Variants in UGT2B15 observed in about 807,000 individuals in gnomAD.
UGT2B15 encodes UDP-glucuronosyltransferase 2B15.
UGT2B15 carries 36 observed loss-of-function variants against 45.9 expected under a neutral mutation model. The ratio of observed to expected loss-of-function variants is 0.78; its 90% CI spans 0.60 to 1.04. The LOEUF is 1.04. Ranked by LOEUF, UGT2B15 falls within the 50% of genes least tolerant of loss-of-function variation. The probability of loss-of-function intolerance (pLI) is 0.00; values close to 1 mark genes in which losing one functional copy is unlikely to be tolerated. For missense variants in UGT2B15, 617 were observed against 622.4 expected (o/e 0.99, Z 0.09); for synonymous variants, 219 against 216.4 (o/e 1.01, Z -0.11).
At chr4:68,662,260 CAT>C (rs1359248182) in intron 3 of UGT2B15, among the ~76,000 whole-genome samples, 2 of 151,988 alleles carry the variant, frequency 1.3e-5, no homozygotes, top group Non-Finnish European at 1.5e-5. Context: ...ATTCTTAGAG[CAT>C]AGTCTTTGTT....
At chr4:68,660,536 G>A (rs1399438664) in intron 3 of UGT2B15, among the ~76,000 whole-genome samples, 1 of 151,412 alleles carries the variant, frequency 6.6e-6, no homozygotes, top group Non-Finnish European at 1.5e-5. Context: ...CAATAATCAG[G>A]CCAAGTATAA....
intron 5 of UGT2B15, among the ~76,000 whole-genome samples, chr4:68,651,544 G>T: frequency 6.6e-6 from 1 of 151,806 alleles, no homozygotes; most frequent in African/African-American, 2.4e-5. Flanking sequence ...TGCTGGTTTG[G>T]TTACTGTAAG....
chr4:68,663,436 CCAGA>C (rs1560609598), intron 2 of UGT2B15, among the ~76,000 whole-genome samples: 2 of 151,910 alleles, frequency 1.3e-5, no homozygotes, highest in Admixed American at 6.6e-5. Flanking sequence ...AATGTTACAC[CCAGA>C]CACTTTATTT....
intron 4 of UGT2B15, 28 bp downstream of exon 4, chr4:68,655,067 A>T (rs1392552412): frequency 1.9e-6 from 3 of 1,605,038 alleles, no homozygotes; most frequent in Non-Finnish European, 2.6e-6. Context: ...TTACTAATAT[A>T]TTCACTGTTT....
chr4:68,668,782 T>C (rs1733215990), intron 1 of UGT2B15, among the ~76,000 whole-genome samples: 1 of 151,444 alleles, frequency 6.6e-6, no homozygotes, highest in African/African-American at 2.4e-5. Context: ...ATCCCAGTCA[T>C]GTAGAACTGA....
chr4:68,656,432 G>T (rs1215384713), intron 3 of UGT2B15, among the ~76,000 whole-genome samples: 1 of 147,468 alleles, frequency 6.8e-6, no homozygotes, highest in African/African-American at 2.5e-5. Flanking sequence ...TCTCCCATCA[G>T]ATTTGATGAA....
At chr4:68,658,617 AC>A (rs1244741343) in intron 3 of UGT2B15, among the ~76,000 whole-genome samples, 1 of 152,128 alleles carries the variant, frequency 6.6e-6, no homozygotes, top group Non-Finnish European at 1.5e-5. Flanking sequence ...GAAAATAGCC[AC>A]ATCTTGAATT....
intron 3 of UGT2B15, among the ~76,000 whole-genome samples, chr4:68,661,400 A>C (rs1399863275): frequency 6.6e-6 from 1 of 152,030 alleles, no homozygotes; most frequent in Non-Finnish European, 1.5e-5. Context: ...TTATCAATGA[A>C]ATATTCAAAT....
intron 5 of UGT2B15, among the ~76,000 whole-genome samples, chr4:68,648,375 G>T (rs535501387): frequency 6.6e-6 from 1 of 151,904 alleles, no homozygotes; most frequent in East Asian, 1.9e-4. Flanking sequence ...TTTGTTCCCC[G>T]TGTCTCTCTC....
At chr4:68,655,464 C>G (rs757611156) in intron 3 of UGT2B15, among the ~76,000 whole-genome samples, 2 of 152,178 alleles carry the variant, frequency 1.3e-5, no homozygotes, top group South Asian at 2.1e-4. Flanking sequence ...TAAATCTTGG[C>G]AACCCAAACT....
chr4:68,647,327 G>A lies in UGT2B15; in HGVS notation c.1370C>T (p.Pro457Leu). ...SRIHHDQPMK[P>L]LDRAVFWIEF... The stretch of plus-strand genomic sequence containing the variant: ...AATCCAGAAGACTGCTCGATCCAGG[G>A]GCTTCATTGGTTGGTCATGATGAAT... Residue 457 changes from proline (P) to leucine (L), a missense_variant, in exon 6 of 6, where the codon CCC becomes CTC. Around this residue, in one of 3 missense-constraint regions of UGT2B15, gnomAD observed 265 missense variants for 245.1 expected, o/e 1.08. Transcript: ENST00000338206. 6.2e-7 allele frequency: 1 copy of A among 1,613,696 alleles called. No homozygotes were observed. Among genetic ancestry groups the A allele is most frequent in the Non-Finnish European group, 8.5e-7 (1 of 1,179,752 alleles).
rs540786143 is a variant in UGT2B15, at chr4:68,667,495, G to C, written c.873+545C>G. ...CTGGCCTCTGGTTTTCTTTTTGGGT[G>C]TTTATCAACCCCTCATCGTTTCACC... On this transcript the variant is annotated intron_variant, in intron 2 of 5. Transcript: ENST00000338206. Among the ~76,000 whole-genome samples, 206 of 152,094 alleles carry C rather than the reference G, an allele frequency of 1.4e-3. 1 individual carries two copies. Among genetic ancestry groups the C allele is most frequent in the African/African-American group, 4.5e-3 (185 of 41,462 alleles).
chr4:68,666,393 T>C (rs1270066736), intron 2 of UGT2B15, among the ~76,000 whole-genome samples: 1 of 152,166 alleles, frequency 6.6e-6, no homozygotes, highest in African/African-American at 2.4e-5. Flanking sequence ...TAATTTAAAG[T>C]ATTAAAAATA....
chr4:68,655,876 G>C (rs961671832), intron 3 of UGT2B15, among the ~76,000 whole-genome samples: 2 of 152,032 alleles, frequency 1.3e-5, no homozygotes, highest in African/African-American at 4.8e-5. Context: ...AATTATCTGA[G>C]AACTGTCTCA....
chr4:68,668,373 A>G (rs1028876081), intron 1 of UGT2B15, among the ~76,000 whole-genome samples, 185 bp from the exon 2 acceptor site: 2 of 152,168 alleles, frequency 1.3e-5, no homozygotes, highest in Non-Finnish European at 2.9e-5. Flanking sequence ...TTTATTGCAT[A>G]TGTTGCTCAT....
intron 3 of UGT2B15, 75 bp from the exon 4 acceptor site, chr4:68,655,257 TTAA>T: frequency 6.6e-7 from 1 of 1,512,900 alleles, no homozygotes; most frequent in Non-Finnish European, 9.1e-7. Context: ...TCTGAAGAGA[TTAA>T]TAATCAGTTA....
intron 3 of UGT2B15, among the ~76,000 whole-genome samples, chr4:68,655,962 A>G (rs987986968): frequency 4.6e-5 from 7 of 152,064 alleles, no homozygotes; most frequent in East Asian, 3.9e-4. Context: ...TAAATGTCCT[A>G]TCAGTGCTTG....
At chr4:68,656,391 ATT>A (rs147929412) in intron 3 of UGT2B15, among the ~76,000 whole-genome samples, 278 of 127,988 alleles carry the variant, frequency 2.2e-3, no homozygotes, top group Middle Eastern at 8.2e-3. Flanking sequence ...CATTTCTGGG[ATT>A]TTTTTTTTTT....
chr4:68,650,222 G>A (rs1732610331), intron 5 of UGT2B15, among the ~76,000 whole-genome samples: 2 of 151,854 alleles, frequency 1.3e-5, no homozygotes, highest in South Asian at 2.1e-4. Context: ...ACGTATATAC[G>A]TGCCATGGTG....
Sources: allele counts gnomAD v4.1 joint callset (sites outside exome capture counted in the v4.1 genomes callset), GRCh38; gene constraint gnomAD v4.1.1; regional missense constraint gnomAD v4.1.1; transcripts MANE v1.5; gene names NCBI Gene and HGNC (gene_info 2026-07-23, HGNC 2026-07-21).